Variants in COG3 observed in about 807,000 individuals in gnomAD.
The protein encoded by COG3 is component of oligomeric golgi complex 3, also known as conserved oligomeric Golgi complex subunit 3.
In COG3, 32 loss-of-function variants were observed where a neutral mutation model predicts 114.1. That is an observed-to-expected ratio of 0.28 (90% CI 0.21 to 0.38). COG3 has a LOEUF of 0.38. COG3 is among the 10% of genes least tolerant of loss of function. COG3 has a pLI of 1.00. For synonymous variants in COG3, 352 were observed against 365.7 expected (o/e 0.96, Z 0.43); for missense variants, 813 against 973.2 (o/e 0.84, Z 2.19).
At chr13:45,521,217 T>C (rs991371843) in intron 19 of COG3, among the ~76,000 whole-genome samples, 19 of 152,218 alleles carry the variant, frequency 1.2e-4, no homozygotes, top group African/African-American at 4.6e-4. Context: ...GTCTGAATTA[T>C]GTAATGGTTC....
In COG3 at chr13:45,529,890, C is replaced by A. The variant is rs1330461463; in HGVS notation, c.2330C>A (p.Thr777Asn). The change falls in exon 21 of 23, where the codon ACC (threonine) becomes AAC (asparagine). Residue 777 changes from threonine (T) to asparagine (N), a missense_variant. Thr to Asn is a moderately conservative substitution (Grantham distance 65, BLOSUM62 0). Transcript: ENST00000349995. ...TCCTTGTACCTATCCAATAAAGATACCGAGTTCATCTTGTTTAAACCTGTG... is the reference window on the plus strand; with the variant it reads ...TCCTTGTACCTATCCAATAAAGATAACGAGTTCATCTTGTTTAAACCTGTG... ...SMSLYLSNKD[T>N]EFILFKPVRN... 6.2e-7 allele frequency: 1 copy of A among 1,611,378 alleles called. No individual in the cohort carries two copies. The highest frequency in any genetic ancestry group is 8.5e-7 in the Non-Finnish European group (1 of 1,179,138).
chr13:45,504,544 A>G (rs1309536778), intron 14 of COG3, among the ~76,000 whole-genome samples: 2 of 152,202 alleles, frequency 1.3e-5, no homozygotes, highest in Non-Finnish European at 2.9e-5. Flanking sequence ...AGAACTGTAG[A>G]GACTGATCAG....
Position 45,529,903 on chromosome 13 carries a change from G to A in COG3, c.2343G>A (p.Leu781=). The A allele has an allele frequency of 6.2e-7, 1 of 1,609,830 alleles. No individual in the cohort carries two copies. The highest frequency in any genetic ancestry group is 8.5e-7 in the Non-Finnish European group (1 of 1,178,752). ...YLSNKDTEFI[L]FKPVRNNIQQ... Reference sequence around the variant, plus strand: ...CCAATAAAGATACCGAGTTCATCTTGTTTAAACCTGTGAGGGTGAGTATCA... The same window carrying A: ...CCAATAAAGATACCGAGTTCATCTTATTTAAACCTGTGAGGGTGAGTATCA... The change falls in exon 21 of 23, where the codon TTG becomes TTA. Residue 781 remains leucine (L), a synonymous_variant. Coordinates refer to ENST00000349995, the MANE Select transcript of COG3 (RefSeq NM_031431.4).
chr13:45,481,449 G>GTA, intron 5 of COG3, 145 bp downstream of exon 5: 1 of 584,894 alleles, frequency 1.7e-6, no homozygotes, highest in Non-Finnish European at 3.1e-6. Context: ...TTTGTAGACA[G>GTA]TGGAGATACC....
At chr13:45,524,850 A>T (rs1043494739) in intron 19 of COG3, 126 bp from the exon 20 acceptor site, 11 of 566,242 alleles carry the variant, frequency 1.9e-5, no homozygotes, top group Non-Finnish European at 3.4e-5. Context: ...TTTGATTATC[A>T]TTGTGTTTTA....
chr13:45,486,363 A>AGGGAGG, intron 7 of COG3, 132 bp from the exon 8 acceptor site: 1 of 635,876 alleles, frequency 1.6e-6, no homozygotes, highest in Non-Finnish European at 2.8e-6. Context: ...GGAGAGGGAG[A>AGGGAGG]GGGAGACTCT....
At position 45,476,361 on chromosome 13, in the gene COG3, T is replaced by G; in HGVS notation, c.321+14T>G. ...ACCGCACAGCAGGTGAATTGCAGTATCTTTTCTAAGGATGTTTGATTATTT... is the reference window on the plus strand; with the variant it reads ...ACCGCACAGCAGGTGAATTGCAGTAGCTTTTCTAAGGATGTTTGATTATTT... On this transcript the variant is annotated intron_variant, in intron 2 of 22. Transcript: ENST00000349995. The G allele has an allele frequency of 6.2e-7, 1 of 1,612,030 alleles. No individual in the cohort carries two copies. The highest frequency in any genetic ancestry group is 8.5e-7 in the Non-Finnish European group (1 of 1,178,468).
intron 13 of COG3, among the ~76,000 whole-genome samples, chr13:45,501,781 A>G (rs1256267326): frequency 6.6e-6 from 1 of 152,198 alleles, no homozygotes; most frequent in African/African-American, 2.4e-5. Context: ...ATTTTGACTT[A>G]ACCTAATTCA....
chr13:45,505,632 T>G (rs1870056921), intron 14 of COG3, among the ~76,000 whole-genome samples: 1 of 151,988 alleles, frequency 6.6e-6, no homozygotes, highest in Non-Finnish European at 1.5e-5. Flanking sequence ...ACTTTTTTTT[T>G]TTCTTTCAAA....
rs1566240803 is a variant in COG3 at position 45,474,369 on chromosome 13, AG to A, written c.175-1831del. On this transcript the variant is annotated intron_variant, in intron 1 of 22. Coordinates refer to ENST00000349995, the MANE Select transcript of COG3 (RefSeq NM_031431.4). ...AGTTGAGACGGGGTTTCACCATGTT[AG>A]CCAGGATGGTCTCGATTTCCTGACC... 7.2e-5 allele frequency among the ~76,000 whole-genome samples: 11 copies of A among 151,870 alleles called. No individual in the cohort carries two copies. The South Asian group carries it at 2.1e-3, about 29-fold the overall frequency.
intron 15 of COG3, 145 bp downstream of exon 15, chr13:45,509,961 T>G (rs1286257712): frequency 1.2e-6 from 1 of 861,958 alleles, no homozygotes; most frequent in Non-Finnish European, 1.7e-6. Context: ...TCAAGCTAAT[T>G]TAGGAATTTC....
In COG3 at chr13:45,482,427, C is replaced by T; in HGVS notation, c.671C>T (p.Pro224Leu). The T allele has an allele frequency of 6.3e-7, 1 of 1,576,070 alleles. No homozygotes were observed. The highest frequency in any genetic ancestry group is 1.7e-5 in the Admixed American group (1 of 58,374). Residue 224 changes from proline to leucine, a missense_variant, in exon 6 of 23, where the codon CCT becomes CTT. Pro to Leu is a moderately conservative substitution (Grantham distance 98). Around this residue, in one of 2 missense-constraint regions of COG3, gnomAD observed 424 missense variants for 430.6 expected, o/e 0.98. Coordinates refer to ENST00000349995, the MANE Select transcript of COG3 (RefSeq NM_031431.4). ...TCGGTGAATAGTGACGGATTTATAC[C>T]TATGCTGGCCAAGTTAGATGATTGT... ...TLSVNSDGFIPMLAKLDDCIT... is the reference protein window; with the variant it reads ...TLSVNSDGFILMLAKLDDCIT...
chr13:45,475,605 G>A (rs1332789428), intron 1 of COG3, among the ~76,000 whole-genome samples: 4 of 152,188 alleles, frequency 2.6e-5, no homozygotes, highest in Non-Finnish European at 5.9e-5. Context: ...TTGCCTGGTG[G>A]TAGTTCACAA....
rs369950935 is a variant in COG3, at chr13:45,486,496, A to T, written c.845A>T (p.Asp282Val). 1 of 1,591,574 alleles carries T rather than the reference A, an allele frequency of 6.3e-7. No individual in the cohort carries two copies. Among genetic ancestry groups the T allele is most frequent in the Admixed American group, 1.7e-5 (1 of 59,930 alleles). The change falls in exon 8 of 23, where the codon GAT becomes GTT. Residue 282 changes from aspartate (D) to valine (V), a missense_variant and splice_region_variant. Physicochemically the swap from Asp to Val is radical, Grantham distance 152 (BLOSUM62 -3). This residue lies in a region of COG3 where 424 missense variants were observed against 430.6 expected (regional missense o/e 0.98). Transcript: ENST00000349995. ...QTLTSQLLKR[D>V]PSSVPNADNA... ...TTATCCTCCCCCATGTTTCTTTAGG[A>T]TCCTTCATCTGTACCTAATGCAGAC...
chr13:45,477,327 A>T (rs1271592741), intron 2 of COG3, among the ~76,000 whole-genome samples: 1 of 152,200 alleles, frequency 6.6e-6, no homozygotes, highest in Admixed American at 6.5e-5. Context: ...GCTTAAAAAA[A>T]GTCCTCTGGA....
chr13:45,513,986 T>G (rs34843311), intron 16 of COG3, among the ~76,000 whole-genome samples: 1 of 152,012 alleles, frequency 6.6e-6, no homozygotes, highest in African/African-American at 2.4e-5. Context: ...GAAGAAAATA[T>G]GTAACAGTGA....
chr13:45,533,465 A>T (rs1473028979), intron 22 of COG3, among the ~76,000 whole-genome samples: 2 of 152,062 alleles, frequency 1.3e-5, no homozygotes, highest in Non-Finnish European at 1.5e-5. Flanking sequence ...CCCGCTTTTA[A>T]ATAATTGGAG....
At chr13:45,524,831 G>C in intron 19 of COG3, 145 bp from the exon 20 acceptor site, 1 of 517,656 alleles carries the variant, frequency 1.9e-6, no homozygotes, top group Non-Finnish European at 3.4e-6. Flanking sequence ...TTTTTTTTAG[G>C]GCTGCACATT....
chr13:45,510,170 T>A (rs1870705358), intron 15 of COG3, among the ~76,000 whole-genome samples: 1 of 152,208 alleles, frequency 6.6e-6, no homozygotes, highest in Non-Finnish European at 1.5e-5. Context: ...TTCTTAAGGA[T>A]ATGGTTCAAA....
Sources: gnomAD v4.1 joint callset for allele counts (sites outside exome capture counted in the v4.1 genomes callset) on GRCh38, gnomAD v4.1.1 for gene constraint, gnomAD v4.1.1 regional missense constraint, MANE v1.5 for transcripts, NCBI Gene and HGNC (gene_info 2026-07-23, HGNC 2026-07-21) for gene names.